PSMD3: variants seen among roughly 807,000 people sequenced by gnomAD.
PSMD3 encodes the protein proteasome 26S subunit, non-ATPase 3.
A neutral mutation model predicts 62.8 loss-of-function variants in PSMD3; 5 were observed. The observed-to-expected ratio is 0.08, with a 90% CI of 0.04 to 0.17. The LOEUF (loss-of-function observed/expected upper bound fraction) is 0.17, where lower values mean the gene tolerates loss of function less well. Ranked by LOEUF, PSMD3 falls within the 10% of genes least tolerant of loss-of-function variation. The pLI, the probability that PSMD3 is intolerant of heterozygous loss-of-function variation, is 1.00. For synonymous variants in PSMD3, 265 were observed against 283.9 expected (o/e 0.93, Z 0.67); for missense variants, 524 against 713.6 (o/e 0.73, Z 3.03).
intron 4 of PSMD3, 132 bp downstream of exon 4, chr17:39,988,951 A>G (rs1158498270): frequency 8.1e-7 from 1 of 1,229,724 alleles, no homozygotes; most frequent in African/African-American, 1.5e-5. Flanking sequence ...AGTGGTTCCC[A>G]TGCCCTGCGC....
Position 39,981,114 on chromosome 17 carries a change from G to A in PSMD3, c.144G>A (p.Thr48=), listed in dbSNP as rs750687762. ...KEEAATGGGS[T]GEADGKTAAA... is the part of the protein sequence containing the mutation. ...AGGCAGCGACGGGTGGCGGGTCGAC[G>A]GGGGAGGCAGACGGCAAGACGGCGG... The change falls in exon 1 of 12, where the codon ACG becomes ACA. Residue 48 remains threonine (T), a synonymous_variant. Coordinates refer to ENST00000264639, the MANE Select transcript of PSMD3 (RefSeq NM_002809.4). 3.9e-6 allele frequency: 6 copies of A among 1,550,382 alleles called. No individual in the cohort carries two copies. The highest frequency in any genetic ancestry group is 2.0e-5 in the Admixed American group (1 of 50,996).
At chr17:39,988,306 C>T (rs1343165512) in intron 3 of PSMD3, among the ~76,000 whole-genome samples, 1 of 152,190 alleles carries the variant, frequency 6.6e-6, no homozygotes, top group Non-Finnish European at 1.5e-5. Flanking sequence ...TTACTCTGGA[C>T]ATTTCATGTA....
chr17:39,988,624 A>C, intron 3 of PSMD3, 59 bp from the exon 4 acceptor site: 2 of 1,586,584 alleles, frequency 1.3e-6, no homozygotes, highest in Non-Finnish European at 1.7e-6. Context: ...TCAAATGACA[A>C]CTCCATGTTT....
chr17:39,987,533 G>C (rs1337840440), intron 3 of PSMD3, among the ~76,000 whole-genome samples: 1 of 152,050 alleles, frequency 6.6e-6, no homozygotes, highest in Non-Finnish European at 1.5e-5. Context: ...TTTTTTTGTA[G>C]AGACAGGATT....
chr17:39,991,378 A>G (rs1346900854), intron 6 of PSMD3, among the ~76,000 whole-genome samples: 1 of 151,892 alleles, frequency 6.6e-6, no homozygotes, highest in East Asian at 1.9e-4. Flanking sequence ...CTGGTCTCGA[A>G]CTCCTGACCT....
Position 39,988,677 on chromosome 17 carries a change from C to T in PSMD3, c.550-6C>T, listed in dbSNP as rs904320232. On this transcript the variant is annotated splice_region_variant and splice_polypyrimidine_tract_variant and intron_variant, in intron 3 of 11. Coordinates refer to ENST00000264639, the MANE Select transcript of PSMD3 (RefSeq NM_002809.4). The stretch of plus-strand genomic sequence containing the variant: ...CCACTTGATTCTCTTTTGGCTTCCT[C>T]CCCAGGCACAGAAGATCTCTGATGA... 6.2e-7 allele frequency: 1 copy of T among 1,614,026 alleles called. No individual in the cohort carries two copies. The highest frequency in any genetic ancestry group is 8.5e-7 in the Non-Finnish European group (1 of 1,179,958).
chr17:39,994,945 T>C lies in PSMD3; in HGVS notation c.982-9T>C. The C allele has an allele frequency of 1.2e-6, 2 of 1,613,398 alleles. No individual in the cohort carries two copies. Among genetic ancestry groups the C allele is most frequent in the African/African-American group, 2.7e-5 (2 of 75,026 alleles). Reference sequence around the variant, plus strand: ...CCTGCCCACTGTGTTCCCCTGTCACTCTGTCCAGGTGCACAAGCTTCTCAT... The same window carrying C: ...CCTGCCCACTGTGTTCCCCTGTCACCCTGTCCAGGTGCACAAGCTTCTCAT... On this transcript the variant is annotated splice_polypyrimidine_tract_variant and intron_variant, in intron 6 of 11. Transcript: ENST00000264639.
At chr17:39,982,418 TCTC>T (rs1169867313) in intron 1 of PSMD3, among the ~76,000 whole-genome samples, 4 of 152,240 alleles carry the variant, frequency 2.6e-5, no homozygotes, top group Non-Finnish European at 2.9e-5. Context: ...TTTGAGCTGT[TCTC>T]CTATAATTGA....
intron 3 of PSMD3, among the ~76,000 whole-genome samples, chr17:39,988,377 C>T (rs1980575621): frequency 6.6e-6 from 1 of 152,178 alleles, no homozygotes; most frequent in South Asian, 2.1e-4. Context: ...ATCATGTTTT[C>T]AAGGTTGACC....
At position 39,997,666 on chromosome 17, in the gene PSMD3, T is replaced by C. The variant is rs1980818824; in HGVS notation, c.*85T>C. ...CCCTGCCCAGGGCACTGTCCCCATT[T>C]TCCCACACACAGCTCATATGCTGCA... On this transcript the variant is annotated 3_prime_UTR_variant, in exon 12 of 12. Transcript: ENST00000264639. 6.9e-7 allele frequency: 1 copy of C among 1,458,344 alleles called. No individual in the cohort carries two copies. Among genetic ancestry groups the C allele is most frequent in the African/African-American group, 1.4e-5 (1 of 71,564 alleles). The allele number at this position is 1,458,344 out of a possible 1,614,324, so 90.3% of individuals were successfully genotyped here.
intron 1 of PSMD3, among the ~76,000 whole-genome samples, 194 bp from the exon 2 acceptor site, chr17:39,984,100 T>A (rs1466545618): frequency 1.4e-5 from 2 of 146,972 alleles, no homozygotes; most frequent in Non-Finnish European, 3.0e-5. Flanking sequence ...CTCGGGAGGC[T>A]GAGGCAGGAG....
chr17:39,995,501 G>A lies in PSMD3; in HGVS notation c.1294G>A (p.Glu432Lys), dbSNP rs1980761673. ...CCAGAAGCTGCAGTTGGATAGCCCC[G>A]AAGATGCAGAGTTCATTGTTGCCAA... ...IAQKLQLDSP[E>K]DAEFIVAKAI... Residue 432 changes from glutamate to lysine, a missense_variant, in exon 9 of 12, where the codon GAA (glutamate) becomes AAA (lysine). Transcript: ENST00000264639. This position sits in a 1 kb window ranked among gnomAD's most constrained non-coding sequence, Gnocchi z 4.1. 3.1e-6 allele frequency: 5 copies of A among 1,613,758 alleles called. No homozygotes were observed. The highest frequency in any genetic ancestry group is 1.3e-5 in the African/African-American group (1 of 74,906).
At chr17:39,990,536 A>G (rs1020418680) in intron 6 of PSMD3, among the ~76,000 whole-genome samples, 4 of 152,136 alleles carry the variant, frequency 2.6e-5, no homozygotes, top group African/African-American at 9.7e-5. Context: ...GGCTCAAGCA[A>G]TCCTTCGGCC....
chr17:39,981,544 C>T (rs1029387333), intron 1 of PSMD3, among the ~76,000 whole-genome samples: 1 of 152,210 alleles, frequency 6.6e-6, no homozygotes, highest in Non-Finnish European at 1.5e-5. Context: ...ACTGATTGTT[C>T]CCGCTGGAAA....
At chr17:39,987,382 C>G (rs528294512) in intron 3 of PSMD3, among the ~76,000 whole-genome samples, 158 of 152,272 alleles carry the variant, frequency 1.0e-3, no homozygotes, top group Non-Finnish European at 1.8e-3. Flanking sequence ...GAGATTGGGT[C>G]TTGCTTTGTT....
rs530429332 is a variant in PSMD3, at chr17:39,996,044, G to T, written c.1321-139G>T. ...TGAGGCAGGAGAATCGCTTGAACCC[G>T]GGAGGTAAAGGTTGCAGTGAGCTGA... On this transcript the variant is annotated intron_variant, in intron 9 of 11. Transcript: ENST00000264639. This position sits in a 1 kb window ranked among gnomAD's most constrained non-coding sequence, Gnocchi z 5.1. The T allele has an allele frequency of 8.5e-4, 859 of 1,006,586 alleles. No homozygotes were observed. Among genetic ancestry groups the T allele is most frequent in the Middle Eastern group, 4.5e-3 (14 of 3,140 alleles). The allele number at this position is 1,006,586 out of a possible 1,614,324, so 62.4% of individuals were successfully genotyped here.
chr17:39,987,193 A>G (rs1980546030), intron 3 of PSMD3, among the ~76,000 whole-genome samples: 1 of 151,604 alleles, frequency 6.6e-6, no homozygotes, highest in South Asian at 2.1e-4. Flanking sequence ...ATTATGGACT[A>G]ATAGCTCCAT....
intron 2 of PSMD3, among the ~76,000 whole-genome samples, chr17:39,985,611 G>T (rs1186065615): frequency 6.6e-6 from 1 of 152,190 alleles, no homozygotes; most frequent in Non-Finnish European, 1.5e-5. Flanking sequence ...AGTCAGCTCC[G>T]TGGATGGGGA....
At chr17:39,985,787 AGT>A (rs1203939368) in intron 2 of PSMD3, among the ~76,000 whole-genome samples, 2 of 152,252 alleles carry the variant, frequency 1.3e-5, no homozygotes, top group African/African-American at 4.8e-5. Flanking sequence ...TATTTTTTCC[AGT>A]GTCAGTGACA....
Sources: allele counts gnomAD v4.1 joint callset (sites outside exome capture counted in the v4.1 genomes callset), GRCh38; gene constraint gnomAD v4.1.1; non-coding constraint Gnocchi (gnomAD v3.1); transcripts MANE v1.5; gene names NCBI Gene and HGNC (gene_info 2026-07-23, HGNC 2026-07-21).